Variants in KIF13B observed in about 807,000 individuals in gnomAD.
The protein encoded by KIF13B is kinesin family member 13B, also known as kinesin-like protein KIF13B.
KIF13B carries 127 observed loss-of-function variants against 222.0 expected under a neutral mutation model. The observed-to-expected ratio is 0.57, with a 90% CI of 0.50 to 0.66. KIF13B has a LOEUF of 0.66. KIF13B is among the 30% of genes least tolerant of loss of function. The pLI is 0.00. For missense variants in KIF13B, 2,173 were observed against 2,379.0 expected, an observed-to-expected ratio of 0.91 and a Z score of 1.80; for synonymous variants, 976 against 919.0, an observed-to-expected ratio of 1.06 and a Z score of -1.12.
chr8:29,250,154 G>A, intron 1 of KIF13B: 1 of 761,234 alleles, frequency 1.3e-6, no homozygotes, highest in South Asian at 1.4e-5. Context: ...CCACAAAGTT[G>A]GTCATTAGTT....
At chr8:29,146,751 C>G (rs1309346271) in intron 17 of KIF13B, among the ~76,000 whole-genome samples, 1 of 152,168 alleles carries the variant, frequency 6.6e-6, no homozygotes, top group African/African-American at 2.4e-5. Context: ...AGCCACACAG[C>G]AAGCCGGCTG....
Position 29,071,843 on chromosome 8 carries a change from C to G in KIF13B, c.4995G>C (p.Gly1665=), listed in dbSNP as rs916697773. The G allele has an allele frequency of 3.6e-5, 56 of 1,540,112 alleles. No homozygotes were observed. The African/African-American group carries it at 7.1e-4, about 20-fold the overall frequency. The change falls in exon 39 of 40, where the codon GGG becomes GGC. Residue 1665 remains glycine (G), a synonymous_variant. Transcript: ENST00000524189. The surrounding 1 kb of genome is among the most constrained non-coding windows in gnomAD (Gnocchi z 4.9). ...ELRSFSRMLA[G]DPGCSPGAEG... Reference sequence around the variant, plus strand: ...CGGCCCCCGGGGAGCAGCCGGGGTCCCCAGCCAGCATGCGCGAGAAGGAGC... The same window carrying G: ...CGGCCCCCGGGGAGCAGCCGGGGTCGCCAGCCAGCATGCGCGAGAAGGAGC...
At chr8:29,170,394 TTCCTGGAGTTCACCACTAGGGA>T (rs1187247257) in intron 10 of KIF13B, among the ~76,000 whole-genome samples, 1 of 152,248 alleles carries the variant, frequency 6.6e-6, no homozygotes, top group Middle Eastern at 3.2e-3. Flanking sequence ...CACTCGACTC[TTCCTGGAGTTCACCACTAGGGA>T]GGATGCTGGT....
intron 21 of KIF13B, 63 bp from the exon 22 acceptor site, chr8:29,134,273 C>A: frequency 6.6e-7 from 1 of 1,517,612 alleles, no homozygotes; most frequent in Non-Finnish European, 9.0e-7. Context: ...TTCAGAGTTG[C>A]AGGTTCCAGC....
chr8:29,199,654 G>T (rs777151266), intron 2 of KIF13B, among the ~76,000 whole-genome samples: 16 of 150,520 alleles, frequency 1.1e-4, no homozygotes, highest in Non-Finnish European at 1.9e-4. Context: ...TACTCAACCT[G>T]TAATAAGCAG....
At chr8:29,157,209 T>C (rs1316895359) in intron 13 of KIF13B, among the ~76,000 whole-genome samples, 3 of 151,604 alleles carry the variant, frequency 2.0e-5, no homozygotes, top group African/African-American at 7.3e-5. Flanking sequence ...CTCCATTGCA[T>C]GCCACTCCCT....
At chr8:29,165,036 C>A (rs373046767) in intron 12 of KIF13B, among the ~76,000 whole-genome samples, 6 of 152,092 alleles carry the variant, frequency 3.9e-5, no homozygotes, top group African/African-American at 1.4e-4. Context: ...TTGGTAGAAA[C>A]AGGGTTTTGA....
At chr8:29,242,116 T>C (rs370569231) in intron 2 of KIF13B, among the ~76,000 whole-genome samples, 3 of 152,238 alleles carry the variant, frequency 2.0e-5, no homozygotes, top group African/African-American at 7.2e-5. Flanking sequence ...TAGCCAGAGT[T>C]AGCAAGAAAG....
At chr8:29,252,231 A>G (rs1463332103) in intron 1 of KIF13B, among the ~76,000 whole-genome samples, 2 of 152,216 alleles carry the variant, frequency 1.3e-5, no homozygotes, top group African/African-American at 4.8e-5. Flanking sequence ...CATATTAGTC[A>G]CCTTGTAAAA....
At chr8:29,246,459 G>C (rs112397052) in intron 1 of KIF13B, among the ~76,000 whole-genome samples, 1 of 151,306 alleles carries the variant, frequency 6.6e-6, no homozygotes, top group Admixed American at 6.6e-5. Context: ...ACTTTTTAAA[G>C]AAATTAAAGA....
intron 2 of KIF13B, among the ~76,000 whole-genome samples, chr8:29,205,410 T>C (rs1813886106): frequency 6.6e-6 from 1 of 152,018 alleles, no homozygotes; most frequent in South Asian, 2.1e-4. Flanking sequence ...AGTTTCAAAT[T>C]CCTCCTATTA....
intron 12 of KIF13B, among the ~76,000 whole-genome samples, chr8:29,161,890 T>G (rs1335711089): frequency 6.6e-6 from 1 of 152,170 alleles, no homozygotes; most frequent in Admixed American, 6.5e-5. Context: ...TTATATACTG[T>G]TGTGTTCCCA....
intron 34 of KIF13B, among the ~76,000 whole-genome samples, chr8:29,109,011 C>T (rs116370917): frequency 2.6e-4 from 40 of 152,314 alleles, no homozygotes; most frequent in African/African-American, 9.4e-4. Context: ...CCCCATGTAT[C>T]TGACGCATGG....
At chr8:29,150,183 G>T in intron 15 of KIF13B, 114 bp downstream of exon 15, 1 of 630,232 alleles carries the variant, frequency 1.6e-6, no homozygotes, top group Non-Finnish European at 2.8e-6. Context: ...AAATATATAC[G>T]TACACACACA....
intron 35 of KIF13B, among the ~76,000 whole-genome samples, chr8:29,101,981 TACAC>T (rs1169711353): frequency 3.3e-5 from 5 of 151,994 alleles, no homozygotes; most frequent in African/African-American, 1.2e-4. Flanking sequence ...AGGGTCCGGC[TACAC>T]ACACTGTTCC....
intron 1 of KIF13B, among the ~76,000 whole-genome samples, chr8:29,246,653 A>G (rs1436091763): frequency 6.6e-6 from 1 of 152,206 alleles, no homozygotes; most frequent in Admixed American, 6.5e-5. Context: ...AGACAAAACA[A>G]TCTTGAAAAA....
intron 2 of KIF13B, among the ~76,000 whole-genome samples, chr8:29,204,020 T>G (rs1327578665): frequency 6.6e-6 from 1 of 152,046 alleles, no homozygotes; most frequent in Non-Finnish European, 1.5e-5. Flanking sequence ...AAAAGAGCAG[T>G]TAGACATCTC....
chr8:29,231,774 GA>G (rs978965003), intron 2 of KIF13B, among the ~76,000 whole-genome samples: 2 of 151,354 alleles, frequency 1.3e-5, no homozygotes, highest in African/African-American at 4.8e-5. Flanking sequence ...AAAAAAAAAG[GA>G]AAAAGGCTTG....
At chr8:29,259,683 C>A (rs1047897004) in intron 1 of KIF13B, among the ~76,000 whole-genome samples, 3 of 152,188 alleles carry the variant, frequency 2.0e-5, no homozygotes, top group African/African-American at 7.2e-5. Context: ...ATTACGGCTA[C>A]AGAACTTTCA....
Sources: gnomAD v4.1 joint callset for allele counts (sites outside exome capture counted in the v4.1 genomes callset) on GRCh38, gnomAD v4.1.1 for gene constraint, Gnocchi (gnomAD v3.1) non-coding constraint, MANE v1.5 for transcripts, NCBI Gene and HGNC (gene_info 2026-07-23, HGNC 2026-07-21) for gene names.